The following PCDH9 variants were observed in gnomAD, a reference collection of about 807,000 sequenced individuals.
PCDH9 encodes the protein protocadherin-9.
A neutral mutation model predicts 70.6 loss-of-function variants in PCDH9; 24 were observed. That is an observed-to-expected ratio of 0.34 (90% CI 0.25 to 0.48). The LOEUF (loss-of-function observed/expected upper bound fraction) is 0.48. Ranked by LOEUF, PCDH9 falls within the 20% of genes least tolerant of loss-of-function variation. PCDH9 has a pLI of 0.99. For missense variants in PCDH9, 1,281 were observed against 1,503.6 expected (o/e 0.85, Z 2.45); for synonymous variants, 562 against 558.5 (o/e 1.01, Z -0.09).
chr13:66,913,650 T>C (rs1361378563), intron 2 of PCDH9, among the ~76,000 whole-genome samples: 1 of 152,028 alleles, frequency 6.6e-6, no homozygotes. Flanking sequence ...TTATTATACA[T>C]GTTACCTCAA....
At chr13:66,657,789 A>T (rs1432532630) in intron 3 of PCDH9, among the ~76,000 whole-genome samples, 1 of 152,172 alleles carries the variant, frequency 6.6e-6, no homozygotes, top group East Asian at 1.9e-4. Context: ...ACTTACAAGG[A>T]TTACCTGTTT....
intron 4 of PCDH9, among the ~76,000 whole-genome samples, chr13:66,392,519 C>T (rs1435807622): frequency 6.6e-6 from 1 of 152,114 alleles, no homozygotes; most frequent in Non-Finnish European, 1.5e-5. Context: ...CCTTAAGCTG[C>T]TCCTCAATTT....
At chr13:66,560,646 A>T (rs1259184638) in intron 4 of PCDH9, among the ~76,000 whole-genome samples, 1 of 152,236 alleles carries the variant, frequency 6.6e-6, no homozygotes, top group Admixed American at 6.5e-5. Context: ...GTGAATTCAA[A>T]TAAATAATCA....
intron 4 of PCDH9, among the ~76,000 whole-genome samples, chr13:66,389,222 G>A (rs982864356): frequency 1.3e-5 from 2 of 151,948 alleles, no homozygotes; most frequent in African/African-American, 4.8e-5. Flanking sequence ...TCTTTATGGG[G>A]CCATTTATCA....
intron 2 of PCDH9, among the ~76,000 whole-genome samples, chr13:67,158,087 C>T (rs987773070): frequency 3.9e-5 from 6 of 152,174 alleles, no homozygotes; most frequent in African/African-American, 1.4e-4. Context: ...TAAAATACTT[C>T]TCTTTAGTAC....
intron 3 of PCDH9, among the ~76,000 whole-genome samples, chr13:66,903,277 T>C (rs1056731886): frequency 6.6e-5 from 10 of 151,836 alleles, no homozygotes; most frequent in African/African-American, 2.4e-4. Context: ...ACTAACATTA[T>C]GTTTGAGAGT....
chr13:66,996,605 A>C (rs1347280319), intron 2 of PCDH9, among the ~76,000 whole-genome samples: 2 of 152,234 alleles, frequency 1.3e-5, no homozygotes, highest in Non-Finnish European at 2.9e-5. Flanking sequence ...AAATAGCATC[A>C]ACATTATAAA....
chr13:66,934,111 C>T (rs1057391695), intron 2 of PCDH9, among the ~76,000 whole-genome samples: 2 of 152,050 alleles, frequency 1.3e-5, no homozygotes, highest in Admixed American at 6.6e-5. Flanking sequence ...GCAAATGGCC[C>T]CCACTAAATG....
intron 3 of PCDH9, among the ~76,000 whole-genome samples, chr13:66,671,331 T>C (rs1027937949): frequency 6.6e-6 from 1 of 152,144 alleles, no homozygotes; most frequent in Admixed American, 6.6e-5. Context: ...GCTATGAGGA[T>C]ACCTGAAATG....
intron 2 of PCDH9, among the ~76,000 whole-genome samples, chr13:66,939,532 G>A (rs1027104963): frequency 2.6e-5 from 4 of 151,506 alleles, no homozygotes; most frequent in Non-Finnish European, 4.4e-5. Flanking sequence ...CGCCTCCCAG[G>A]TTCAAGTGAT....
At chr13:66,750,045 T>C (rs751280759) in intron 3 of PCDH9, among the ~76,000 whole-genome samples, 5 of 152,140 alleles carry the variant, frequency 3.3e-5, no homozygotes, top group Non-Finnish European at 5.9e-5. Flanking sequence ...TGTTTAGGTA[T>C]AGTGAGAAAG....
chr13:67,027,670 C>G (rs1470237428), intron 2 of PCDH9, among the ~76,000 whole-genome samples: 1 of 150,352 alleles, frequency 6.7e-6, no homozygotes, highest in Non-Finnish European at 1.5e-5. Flanking sequence ...ACCTACTCAT[C>G]TGACAAAGGG....
intron 2 of PCDH9, among the ~76,000 whole-genome samples, chr13:66,999,151 T>C (rs2084185430): frequency 6.6e-6 from 1 of 152,186 alleles, no homozygotes; most frequent in South Asian, 2.1e-4. Context: ...GTGCATGTTA[T>C]TCATTTGTCC....
At chr13:66,790,755 A>G (rs1372265464) in intron 3 of PCDH9, among the ~76,000 whole-genome samples, 1 of 152,054 alleles carries the variant, frequency 6.6e-6, no homozygotes, top group Non-Finnish European at 1.5e-5. Flanking sequence ...ATATAATTCC[A>G]AATAATGTTC....
chr13:66,709,206 G>C (rs1276130107), intron 3 of PCDH9, among the ~76,000 whole-genome samples: 2 of 152,116 alleles, frequency 1.3e-5, no homozygotes, highest in African/African-American at 4.8e-5. Context: ...AACATTTACA[G>C]ACTTAGGGAA....
chr13:66,749,596 T>G (rs1210146709), intron 3 of PCDH9, among the ~76,000 whole-genome samples: 1 of 152,150 alleles, frequency 6.6e-6, no homozygotes, highest in Non-Finnish European at 1.5e-5. Context: ...CATAGAAAAT[T>G]TTCTTTCCCA....
rs553598049 is a variant in PCDH9, at chr13:66,985,090, A to T, written c.3037-81485T>A. Among the ~76,000 whole-genome samples the T allele has an allele frequency of 2.0e-5, 3 of 152,106 alleles. No individual in the cohort carries two copies. The East Asian group carries it at 5.8e-4, about 29-fold the overall frequency. On this transcript the variant is annotated intron_variant, in intron 2 of 4. Coordinates refer to ENST00000377865, the MANE Select transcript of PCDH9 (RefSeq NM_203487.3). ...ACAATTCAGCTCTCATCCTCCATTA[A>T]ATTGTACCTCACTGGCCTAGCCATC...
intron 2 of PCDH9, among the ~76,000 whole-genome samples, chr13:67,176,721 A>G (rs945572557): frequency 6.6e-6 from 1 of 151,994 alleles, no homozygotes; most frequent in African/African-American, 2.4e-5. Context: ...ACCCATCCCA[A>G]TACCCATCTG....
At chr13:66,523,788 T>C (rs1403222536) in intron 4 of PCDH9, among the ~76,000 whole-genome samples, 2 of 152,054 alleles carry the variant, frequency 1.3e-5, no homozygotes, top group African/African-American at 4.8e-5. Flanking sequence ...GTAATTTCTA[T>C]GCAGACACAG....
Sources: gnomAD v4.1 joint callset for allele counts (sites outside exome capture counted in the v4.1 genomes callset) on GRCh38, gnomAD v4.1.1 for gene constraint, MANE v1.5 for transcripts, NCBI Gene and HGNC (gene_info 2026-07-23, HGNC 2026-07-21) for gene names.